The following IPPK variants were observed in gnomAD, a reference collection of about 807,000 sequenced individuals.
The protein encoded by IPPK is IPK1 homolog.
IPPK carries 22 observed loss-of-function variants against 64.6 expected under a neutral mutation model. That is an observed-to-expected ratio of 0.34 (90% CI 0.24 to 0.49). The LOEUF is 0.49. Among genes scored for constraint, IPPK ranks in the 20% least tolerant of loss-of-function variants. IPPK has a pLI of 0.99. For synonymous variants in IPPK, 262 were observed against 247.2 expected, an observed-to-expected ratio of 1.06 and a Z score of -0.56; for missense variants, 532 against 630.7, an observed-to-expected ratio of 0.84 and a Z score of 1.68.
intron 1 of IPPK, 45 bp downstream of exon 1, chr9:92,669,863 C>T: frequency 7.0e-7 from 1 of 1,429,340 alleles, no homozygotes; most frequent in Middle Eastern, 1.7e-4. Context: ...TGATACCGGC[C>T]GTCGGAGTGA....
intron 11 of IPPK, among the ~76,000 whole-genome samples, chr9:92,628,093 T>C (rs2131425971): frequency 6.6e-6 from 1 of 152,332 alleles, no homozygotes; most frequent in South Asian, 2.1e-4. Flanking sequence ...CAATTCCATT[T>C]ACAACAGCAT....
At chr9:92,634,351 G>C (rs1564031086) in intron 11 of IPPK, 35 bp downstream of exon 11, 2 of 1,425,752 alleles carry the variant, frequency 1.4e-6, no homozygotes, top group Non-Finnish European at 2.0e-6. Flanking sequence ...AGAAGCTAAG[G>C]ATCACACAGC....
Position 92,636,506 on chromosome 9 carries a change from T to C in IPPK, c.917-1198A>G, listed in dbSNP as rs188590959. 1.3e-4 allele frequency among the ~76,000 whole-genome samples: 20 copies of C among 151,814 alleles called. No individual in the cohort carries two copies. The East Asian group carries it at 3.7e-3, about 28-fold the overall frequency. ...AAATACAAAAATTAACTAGGCGTGGTAGTGCGTGTCGGTAGTCCCAGCTAC... is the reference window on the plus strand; with the variant it reads ...AAATACAAAAATTAACTAGGCGTGGCAGTGCGTGTCGGTAGTCCCAGCTAC... On this transcript the variant is annotated intron_variant, in intron 9 of 12. Coordinates refer to ENST00000287996, the MANE Select transcript of IPPK (RefSeq NM_022755.6).
rs867282094 is a variant in IPPK, at chr9:92,639,985, C to T, written c.636+725G>A. On this transcript the variant is annotated intron_variant, in intron 8 of 12. Transcript: ENST00000287996. ...GAGAGGGGCCAGGGCTTCCAGTTCA[C>T]CAGTCACCTCGTCCAGACCACGGCA... Among the ~76,000 whole-genome samples the T allele has an allele frequency of 7.2e-5, 11 of 152,310 alleles. No individual in the cohort carries two copies. In the South Asian group the frequency reaches 8.3e-4, roughly 11 times the overall value.
Position 92,656,882 on chromosome 9 carries a change from G to A in IPPK, c.130-331C>T, listed in dbSNP as rs117295604. 3.1e-3 allele frequency among the ~76,000 whole-genome samples: 472 copies of A among 152,248 alleles called. 11 individuals carry two copies. The East Asian group carries it at 0.033, about 11-fold the overall frequency. On this transcript the variant is annotated intron_variant, in intron 2 of 12. Transcript: ENST00000287996. Reference sequence around the variant, plus strand: ...AAGGAATGTGACTTTGAAAACCTCCGACATCTCACATCTCAATCTCTAAAG... The same window carrying A: ...AAGGAATGTGACTTTGAAAACCTCCAACATCTCACATCTCAATCTCTAAAG...
chr9:92,643,945 T>A (rs1447341164), intron 6 of IPPK, among the ~76,000 whole-genome samples: 2 of 152,218 alleles, frequency 1.3e-5, no homozygotes, highest in African/African-American at 4.8e-5. Context: ...ACCAGTTATA[T>A]GAGCAGGTAG....
chr9:92,632,818 G>A (rs1851869089), intron 11 of IPPK, among the ~76,000 whole-genome samples: 1 of 152,178 alleles, frequency 6.6e-6, no homozygotes, highest in Non-Finnish European at 1.5e-5. Flanking sequence ...AGAAAGCACT[G>A]AGGGCTCTCT....
At chr9:92,625,023 A>G (rs1028998158) in intron 11 of IPPK, among the ~76,000 whole-genome samples, 12 of 152,188 alleles carry the variant, frequency 7.9e-5, no homozygotes, top group African/African-American at 2.9e-4. Flanking sequence ...TAACCCTGGG[A>G]GGAAGGAGAA....
At chr9:92,621,899 G>A (rs1231230310) in intron 11 of IPPK, among the ~76,000 whole-genome samples, 1 of 152,078 alleles carries the variant, frequency 6.6e-6, no homozygotes, top group African/African-American at 2.4e-5. Flanking sequence ...TCTAGGCCTC[G>A]ACACCAAGGC....
At position 92,635,976 on chromosome 9, in the gene IPPK, G is replaced by A. The variant is rs901292061; in HGVS notation, c.917-668C>T. 1.3e-5 allele frequency among the ~76,000 whole-genome samples: 2 copies of A among 152,128 alleles called. No individual in the cohort carries two copies. The highest frequency in any genetic ancestry group is 2.9e-5 in the Non-Finnish European group (2 of 68,020). ...CAGCCACACAGAGCCACAGACAGGG[G>A]TCAAAGCCACTGACAAGGACCTGTT... On this transcript the variant is annotated intron_variant, in intron 9 of 12. Coordinates refer to ENST00000287996, the MANE Select transcript of IPPK (RefSeq NM_022755.6). The surrounding 1 kb of genome is among the most constrained non-coding windows in gnomAD (Gnocchi z 4.4).
rs142527150 is a variant in IPPK, at chr9:92,646,720, G to A, written c.504+1339C>T. Among the ~76,000 whole-genome samples, 101 of 152,264 alleles carry A rather than the reference G, an allele frequency of 6.6e-4. No homozygotes were observed. The East Asian group carries it at 0.019, about 29-fold the overall frequency. On this transcript the variant is annotated intron_variant, in intron 6 of 12. Coordinates refer to ENST00000287996, the MANE Select transcript of IPPK (RefSeq NM_022755.6). Reference sequence around the variant, plus strand: ...CACCTGTAATCCCAGCACTTTGGGAGGCCGAGGCAGGTGGATCACGAGGTC... The same window carrying A: ...CACCTGTAATCCCAGCACTTTGGGAAGCCGAGGCAGGTGGATCACGAGGTC...
chr9:92,657,958 C>T (rs575163674), intron 2 of IPPK, among the ~76,000 whole-genome samples: 11 of 152,284 alleles, frequency 7.2e-5, no homozygotes, highest in Admixed American at 4.6e-4. Context: ...CGCCTGCTCC[C>T]ACAGTGGAAC....
chr9:92,616,030 T>C lies in IPPK; in HGVS notation c.1278A>G (p.Ser426=). 6.2e-7 allele frequency: 1 copy of C among 1,614,148 alleles called. No homozygotes were observed. The part of the protein sequence containing the change: ...ASSDQRPVVP[S]SRSRFAFSVS... ...CGGAAAAGGCAAACCTGGACCTCGA[T>C]GAAGGGACGACAGGCCTTTGATCAG... Residue 426 remains serine (S), a synonymous_variant, in exon 13 of 13, where the codon TCA becomes TCG. Coordinates refer to ENST00000287996, the MANE Select transcript of IPPK (RefSeq NM_022755.6).
intron 12 of IPPK, chr9:92,618,321 T>C: frequency 2.2e-6 from 1 of 456,684 alleles, no homozygotes; most frequent in Non-Finnish European, 4.4e-6. Context: ...CTAGTGTCGT[T>C]TCTGCTGAGC....
At chr9:92,619,005 G>A (rs956678665) in intron 12 of IPPK, 1 of 244,330 alleles carries the variant, frequency 4.1e-6, no homozygotes, top group Non-Finnish European at 8.1e-6. Context: ...TAGGGAGAGG[G>A]GCGGCACATA....
intron 6 of IPPK, among the ~76,000 whole-genome samples, chr9:92,645,981 T>G (rs1444493685): frequency 6.6e-6 from 1 of 152,012 alleles, no homozygotes; most frequent in Non-Finnish European, 1.5e-5. Context: ...ATAAACACAT[T>G]TTGTAATTCT....
At chr9:92,657,531 G>A (rs570475562) in intron 2 of IPPK, among the ~76,000 whole-genome samples, 7 of 152,266 alleles carry the variant, frequency 4.6e-5, no homozygotes, top group African/African-American at 1.7e-4. Context: ...CCAGGCCTTG[G>A]GGGAGTCAAG....
chr9:92,625,308 G>A (rs1277387756), intron 11 of IPPK, among the ~76,000 whole-genome samples: 3 of 152,160 alleles, frequency 2.0e-5, no homozygotes, highest in Non-Finnish European at 4.4e-5. Flanking sequence ...AATATAATTA[G>A]TAAAATCTTT....
intron 12 of IPPK, chr9:92,618,578 C>G (rs1458152441): frequency 2.2e-6 from 1 of 456,584 alleles, no homozygotes; most frequent in Non-Finnish European, 4.4e-6. Context: ...TCATCGAACA[C>G]CACCAGCTTA....
Sources: allele counts gnomAD v4.1 joint callset (sites outside exome capture counted in the v4.1 genomes callset), GRCh38; gene constraint gnomAD v4.1.1; non-coding constraint Gnocchi (gnomAD v3.1); transcripts MANE v1.5; gene names NCBI Gene and HGNC (gene_info 2026-07-23, HGNC 2026-07-21).